RASEF: variants seen among roughly 807,000 people sequenced by gnomAD.
The protein encoded by RASEF is RAS and EF-hand domain containing, also known as ras and EF-hand domain-containing protein.
In RASEF, 68 loss-of-function variants were observed where a neutral mutation model predicts 90.1. The ratio of observed to expected loss-of-function variants is 0.75; its 90% confidence interval spans 0.62 to 0.92. RASEF has a LOEUF of 0.92. Ranked by LOEUF, RASEF falls within the 40% of genes least tolerant of loss-of-function variation. The pLI is 0.00. For missense variants in RASEF, 949 were observed against 937.2 expected (o/e 1.01, Z -0.16); for synonymous variants, 331 against 345.2 (o/e 0.96, Z 0.46).
the RASEF span, among the ~76,000 whole-genome samples, chr9:83,104,627 C>G: frequency 7.8e-3 from 1,062 of 137,000 alleles, 12 homozygotes; most frequent in African/African-American, 0.025. Context: ...CCTTTTTCTT[C>G]CCATAAAAAG....
chr9:83,186,429 C>T, the RASEF span, among the ~76,000 whole-genome samples: 1 of 152,156 alleles, frequency 6.6e-6, no homozygotes, highest in East Asian at 1.9e-4. Context: ...TTTAAATATT[C>T]CCTGTTCTGC....
At chr9:83,188,386 A>G in the RASEF span, among the ~76,000 whole-genome samples, 1 of 152,224 alleles carries the variant, frequency 6.6e-6, no homozygotes, top group Non-Finnish European at 1.5e-5. Flanking sequence ...CATTTCAAAT[A>G]TTGTTTTGTC....
chr9:83,209,848 T>C, the RASEF span, among the ~76,000 whole-genome samples: 1 of 152,154 alleles, frequency 6.6e-6, no homozygotes, highest in Admixed American at 6.5e-5. Flanking sequence ...GCCCTCCCGC[T>C]TCCCTGACCC....
At chr9:83,061,645 A>G (rs756103580) in intron 1 of RASEF, among the ~76,000 whole-genome samples, 3 of 152,124 alleles carry the variant, frequency 2.0e-5, no homozygotes, top group East Asian at 1.9e-4. Context: ...CTGAAATCCC[A>G]CCTGCAGGCA....
At chr9:83,123,162 T>C in the RASEF span, among the ~76,000 whole-genome samples, 1 of 146,908 alleles carries the variant, frequency 6.8e-6, no homozygotes, top group African/African-American at 2.6e-5. Context: ...ATCACTTGAA[T>C]CCGGGAGGCA....
chr9:83,138,395 G>A, the RASEF span, among the ~76,000 whole-genome samples: 459 of 152,264 alleles, frequency 3.0e-3, no homozygotes, highest in Non-Finnish European at 4.6e-3. Flanking sequence ...TAATCATGCT[G>A]TCAAGCAGAC....
At chr9:83,139,206 ACAT>A in the RASEF span, among the ~76,000 whole-genome samples, 7 of 152,196 alleles carry the variant, frequency 4.6e-5, no homozygotes, top group Non-Finnish European at 1.0e-4. Flanking sequence ...ATGCATGTGC[ACAT>A]TCATGTTTGA....
chr9:83,153,061 T>C, the RASEF span, among the ~76,000 whole-genome samples: 1 of 152,228 alleles, frequency 6.6e-6, no homozygotes, highest in Non-Finnish European at 1.5e-5. Flanking sequence ...TGTTTTTGCA[T>C]ATATTTCTAT....
chr9:83,039,142 C>T (rs2118631956), intron 1 of RASEF, among the ~76,000 whole-genome samples: 1 of 152,236 alleles, frequency 6.6e-6, no homozygotes, highest in Admixed American at 6.5e-5. Flanking sequence ...TTCATATATG[C>T]TATCTAGAAG....
chr9:83,108,302 A>ACTTTTTAT, the RASEF span, among the ~76,000 whole-genome samples: 1 of 152,186 alleles, frequency 6.6e-6, no homozygotes, highest in Non-Finnish European at 1.5e-5. Flanking sequence ...TATAAAAGGG[A>ACTTTTTAT]AAACTTGGAT....
chr9:83,086,991 G>A, the RASEF span, among the ~76,000 whole-genome samples: 1 of 152,126 alleles, frequency 6.6e-6, no homozygotes, highest in Non-Finnish European at 1.5e-5. Flanking sequence ...GATCATTGGG[G>A]CCATCTTGGA....
In RASEF at chr9:83,000,925, T is replaced by G; in HGVS notation, c.1408A>C (p.Ser470Arg). The G allele has an allele frequency of 6.2e-7, 1 of 1,613,998 alleles. No homozygotes were observed. Among genetic ancestry groups the G allele is most frequent in the Non-Finnish European group, 8.5e-7 (1 of 1,179,978 alleles). ...GTGTCTGAAGCATCACCTCCAAAGC[T>G]CTCCTGCACCCCGTGTGACCTCTGA... is the stretch of plus-strand genomic sequence containing the variant. The part of the protein sequence containing the change: ...GFQRSHGVQE[S>R]FGGDASDTDV... The change falls in exon 10 of 17, where the codon AGC (serine) becomes CGC (arginine). Residue 470 changes from serine (S) to arginine (R), a missense_variant. Ser to Arg is a moderately radical substitution (Grantham distance 110). Coordinates refer to ENST00000376447, the MANE Select transcript of RASEF (RefSeq NM_152573.4).
In RASEF at chr9:83,062,551, T is replaced by C; in HGVS notation, c.317A>G (p.Glu106Gly). The C allele has an allele frequency of 6.2e-7, 1 of 1,601,170 alleles. No homozygotes were observed. The highest frequency in any genetic ancestry group is 8.5e-7 in the Non-Finnish European group (1 of 1,174,202). ...GPETHDSEEDEGDEDAAAALA... is the reference protein window; with the variant it reads ...GPETHDSEEDGGDEDAAAALA... Reference sequence around the variant, plus strand: ...CGCCGCCGCCGCGTCCTCGTCGCCTTCGTCCTCCTCGCTGTCGTGTGTCTC... The same window carrying C: ...CGCCGCCGCCGCGTCCTCGTCGCCTCCGTCCTCCTCGCTGTCGTGTGTCTC... The change falls in exon 1 of 17, where the codon GAA becomes GGA. Residue 106 changes from glutamate (E) to glycine (G), a missense_variant. By Grantham distance (98) the Glu-to-Gly change is moderately conservative (BLOSUM62 -2). Transcript: ENST00000376447.
At chr9:83,028,507 G>A (rs1829585766) in intron 1 of RASEF, among the ~76,000 whole-genome samples, 1 of 152,154 alleles carries the variant, frequency 6.6e-6, no homozygotes, top group Admixed American at 6.5e-5. Flanking sequence ...CATTCCTTGG[G>A]CTTTTGCCCT....
the RASEF span, among the ~76,000 whole-genome samples, chr9:83,164,347 G>A: frequency 7.7e-6 from 1 of 129,976 alleles, no homozygotes; most frequent in African/African-American, 2.8e-5. Flanking sequence ...GTATATGTGT[G>A]TATATATATA....
chr9:83,033,684 A>G (rs1340813819), intron 1 of RASEF, among the ~76,000 whole-genome samples: 1 of 152,250 alleles, frequency 6.6e-6, no homozygotes, highest in Non-Finnish European at 1.5e-5. Context: ...GCAAGGAATT[A>G]AACAAAAGAT....
At chr9:83,134,786 A>T in the RASEF span, among the ~76,000 whole-genome samples, 5 of 150,700 alleles carry the variant, frequency 3.3e-5, no homozygotes, top group South Asian at 1.0e-3. Context: ...AAATAAACAC[A>T]TGTCTACACA....
the RASEF span, among the ~76,000 whole-genome samples, chr9:83,069,748 C>A: frequency 6.6e-6 from 1 of 152,168 alleles, no homozygotes; most frequent in Non-Finnish European, 1.5e-5. Flanking sequence ...TAAGTGCTTT[C>A]CAAAGTGACT....
chr9:83,064,155 C>T (rs1019201279), upstream of RASEF, among the ~76,000 whole-genome samples: 17 of 152,320 alleles, frequency 1.1e-4, no homozygotes, highest in African/African-American at 4.1e-4. Flanking sequence ...TCCTACTAGG[C>T]TAGTGTTCTT....
Sources: gnomAD v4.1 joint callset for allele counts (sites outside exome capture counted in the v4.1 genomes callset) on GRCh38, gnomAD v4.1.1 for gene constraint, MANE v1.5 for transcripts, NCBI Gene and HGNC (gene_info 2026-07-23, HGNC 2026-07-21) for gene names.